Variants in CPHXL2 observed in about 807,000 individuals in gnomAD.
CPHXL2 encodes the protein cytoplasmic polyadenylated homeobox like 2, also known as cytoplasmic polyadenylated homeobox-like protein 2.
the CPHXL2 span, chr16:75,660,784 A>G: frequency 2.5e-5 from 10 of 398,696 alleles, no homozygotes; most frequent in Admixed American, 4.4e-5. Flanking sequence ...GGATGAAGGC[A>G]TTCTGCAGAG....
the CPHXL2 span, chr16:75,660,630 A>C: frequency 2.5e-6 from 1 of 398,632 alleles, no homozygotes; most frequent in Non-Finnish European, 4.4e-6. Context: ...TTCTTGCAGC[A>C]GTGAGAGACA....
the CPHXL2 span, among the ~76,000 whole-genome samples, chr16:75,663,885 C>CAAAAAAAAAAAAAAA: frequency 1.2e-5 from 1 of 85,512 alleles, no homozygotes; most frequent in African/African-American, 4.6e-5. Flanking sequence ...GACTCTGTCT[C>CAAAAAAAAAAAAAAA]AAAAAAAAAA....
the CPHXL2 span, among the ~76,000 whole-genome samples, chr16:75,674,817 C>A: frequency 1.3e-5 from 2 of 151,352 alleles, no homozygotes; most frequent in Non-Finnish European, 2.9e-5. Flanking sequence ...TCAAGCGATT[C>A]TCCTGCCTCA....
the CPHXL2 span, among the ~76,000 whole-genome samples, chr16:75,676,683 C>T: frequency 6.6e-6 from 1 of 152,280 alleles, no homozygotes; most frequent in African/African-American, 2.4e-5. Flanking sequence ...ATCTAGAACC[C>T]ATCCATTCAA....
the CPHXL2 span, among the ~76,000 whole-genome samples, chr16:75,662,594 T>C: frequency 6.6e-6 from 1 of 152,052 alleles, no homozygotes; most frequent in Admixed American, 6.6e-5. Context: ...GAGAATTGCA[T>C]GCCAGGAAAC....
At chr16:75,664,733 A>G in the CPHXL2 span, among the ~76,000 whole-genome samples, 1 of 152,198 alleles carries the variant, frequency 6.6e-6, no homozygotes, top group Non-Finnish European at 1.5e-5. Context: ...TTGGATCACA[A>G]GGACTTTGCC....
chr16:75,665,194 A>G, the CPHXL2 span, among the ~76,000 whole-genome samples: 1 of 152,224 alleles, frequency 6.6e-6, no homozygotes, highest in Non-Finnish European at 1.5e-5. Flanking sequence ...AAGTTCGTCT[A>G]AAATTAAGAT....
At chr16:75,663,016 A>C in the CPHXL2 span, among the ~76,000 whole-genome samples, 5 of 151,976 alleles carry the variant, frequency 3.3e-5, no homozygotes, top group African/African-American at 1.2e-4. Context: ...TAGCCAGGAT[A>C]GTCTCGATCT....
chr16:75,666,673 A>G, the CPHXL2 span, among the ~76,000 whole-genome samples: 3 of 152,094 alleles, frequency 2.0e-5, no homozygotes, highest in Admixed American at 1.3e-4. Context: ...TAGACAGGTC[A>G]TCAAGACAAA....
chr16:75,663,859 C>T, the CPHXL2 span, among the ~76,000 whole-genome samples: 1 of 136,954 alleles, frequency 7.3e-6, no homozygotes, highest in Non-Finnish European at 1.5e-5. Flanking sequence ...GCACTCCAGC[C>T]TGGGCGACAG....
chr16:75,660,953 C>G, the CPHXL2 span: 1 of 398,724 alleles, frequency 2.5e-6, no homozygotes, highest in Non-Finnish European at 4.4e-6. Flanking sequence ...GAGAAGAGCA[C>G]ATGGAGCCCA....
chr16:75,663,713 C>G, the CPHXL2 span, among the ~76,000 whole-genome samples: 2 of 151,724 alleles, frequency 1.3e-5, no homozygotes, highest in African/African-American at 4.9e-5. Context: ...GAAACCCTGT[C>G]TCTACTAAAA....
the CPHXL2 span, among the ~76,000 whole-genome samples, chr16:75,663,042 C>T: frequency 6.6e-6 from 1 of 152,150 alleles, no homozygotes; most frequent in Admixed American, 6.5e-5. Context: ...CCTCATGATC[C>T]GCCCGCCTCG....
At chr16:75,666,339 T>C in the CPHXL2 span, among the ~76,000 whole-genome samples, 14 of 152,060 alleles carry the variant, frequency 9.2e-5, no homozygotes, top group Non-Finnish European at 1.9e-4. Flanking sequence ...TAGTGGAGGA[T>C]GGCTGGGCGT....
At chr16:75,676,480 C>A in the CPHXL2 span, among the ~76,000 whole-genome samples, 2 of 152,138 alleles carry the variant, frequency 1.3e-5, no homozygotes, top group East Asian at 1.9e-4. Flanking sequence ...ATGCACCACA[C>A]CTGGCCAATT....
chr16:75,665,464 C>T, the CPHXL2 span, among the ~76,000 whole-genome samples: 7 of 152,304 alleles, frequency 4.6e-5, no homozygotes, highest in South Asian at 1.0e-3. Flanking sequence ...AGCCACACTA[C>T]GAGAACTGCT....
the CPHXL2 span, among the ~76,000 whole-genome samples, chr16:75,672,278 CAA>C: frequency 3.4e-4 from 33 of 96,336 alleles, no homozygotes; most frequent in African/African-American, 8.1e-4. Context: ...GACTCCATCT[CAA>C]AAAAAAAAAA....
the CPHXL2 span, among the ~76,000 whole-genome samples, chr16:75,662,768 A>T: frequency 6.6e-6 from 1 of 151,534 alleles, no homozygotes; most frequent in Non-Finnish European, 1.5e-5. Flanking sequence ...TATCCCAAGA[A>T]GCTATGGTTT....
At chr16:75,675,063 C>A in the CPHXL2 span, among the ~76,000 whole-genome samples, 4 of 150,644 alleles carry the variant, frequency 2.7e-5, no homozygotes, top group African/African-American at 7.3e-5. Context: ...GTGGTGGGCA[C>A]CTGTAGTCAC....
Sources: gnomAD v4.1 joint callset for allele counts (sites outside exome capture counted in the v4.1 genomes callset) on GRCh38, gnomAD v4.1.1 for gene constraint, MANE v1.5 for transcripts, NCBI Gene and HGNC (gene_info 2026-07-23, HGNC 2026-07-21) for gene names.